LTBP4: variants seen among roughly 807,000 people sequenced by gnomAD.
LTBP4 encodes latent-transforming growth factor beta-binding protein 4.
LTBP4 carries 93 observed loss-of-function variants against 180.2 expected under a neutral mutation model. The observed-to-expected ratio is 0.52, with a 90% confidence interval of 0.44 to 0.61. LTBP4 has a LOEUF of 0.61. Among genes scored for constraint, LTBP4 ranks in the 20% least tolerant of loss-of-function variants. The pLI is 0.00. For synonymous variants in LTBP4, 947 were observed against 934.5 expected (o/e 1.01, Z -0.24); for missense variants, 2,116 against 2,256.5 (o/e 0.94, Z 1.26).
At chr19:40,614,491 G>C in intron 19 of LTBP4, 45 bp downstream of exon 19, 1 of 1,574,262 alleles carries the variant, frequency 6.4e-7, no homozygotes. Context: ...GCAACGCGGT[G>C]CTGGAGGCTG....
rs992200448 is a variant in LTBP4, at chr19:40,614,721, G to A, written c.2812+275G>A. Among the ~76,000 whole-genome samples, 8 of 151,858 alleles carry A rather than the reference G, an allele frequency of 5.3e-5. No homozygotes were observed. The South Asian group carries it at 1.7e-3, about 32-fold the overall frequency. ...TAGGCTATGCCCCCAGTAAGACACCGCCCCAAAACTGTTAGGCCCCGCCCC... is the reference window on the plus strand; with the variant it reads ...TAGGCTATGCCCCCAGTAAGACACCACCCCAAAACTGTTAGGCCCCGCCCC... On this transcript the variant is annotated intron_variant, in intron 19 of 29. Transcript: ENST00000396819.
intron 1 of LTBP4, among the ~76,000 whole-genome samples, chr19:40,602,183 G>GTGTGT (rs1568401445): frequency 9.8e-5 from 14 of 143,198 alleles, no homozygotes; most frequent in African/African-American, 2.6e-4. Context: ...GTGTGTGTGT[G>GTGTGT]GCGGCGGGGG....
intron 26 of LTBP4, 78 bp downstream of exon 26, chr19:40,624,160 C>A: frequency 7.0e-7 from 1 of 1,429,126 alleles, no homozygotes; most frequent in South Asian, 1.4e-5. Flanking sequence ...ACCTTTGCGA[C>A]GGCCACGCCC....
intron 19 of LTBP4, among the ~76,000 whole-genome samples, chr19:40,616,432 GA>G (rs575308908): frequency 7.7e-4 from 109 of 142,212 alleles, no homozygotes; most frequent in South Asian, 2.7e-3. Flanking sequence ...CTCTACTAAA[GA>G]AAAAAAAAAA....
chr19:40,613,953 C>A lies in LTBP4; in HGVS notation c.2595C>A (p.Ser865Arg). ...GCAGCGAGGAGGACCTTTGCCAGAG[C>A]GGCATCTGTACCAACACCGACGGCT... ...DECSEEDLCQ[S>R]GICTNTDGSF... Residue 865 changes from serine (S) to arginine (R), a missense_variant, in exon 18 of 30, where the codon AGC becomes AGA. Coordinates refer to ENST00000396819, the MANE Select transcript of LTBP4 (RefSeq NM_001042545.2). The surrounding 1 kb of genome is among the most constrained non-coding windows in gnomAD (Gnocchi z 5.0). 1.2e-6 allele frequency: 2 copies of A among 1,613,682 alleles called. No individual in the cohort carries two copies. The highest frequency in any genetic ancestry group is 1.7e-6 in the Non-Finnish European group (2 of 1,179,814).
chr19:40,629,575 C>A lies in LTBP4; in HGVS notation c.*25C>A. 7.4e-7 allele frequency: 1 copy of A among 1,353,768 alleles called. No homozygotes were observed. Among genetic ancestry groups the A allele is most frequent in the Non-Finnish European group, 9.5e-7 (1 of 1,055,866 alleles). The allele number at this position is 1,353,768 out of a possible 1,614,324, so 83.9% of individuals were successfully genotyped here. A position where few individuals can be genotyped will look rare whatever the true frequency, so the allele number is the denominator to read the frequency against. On this transcript the variant is annotated 3_prime_UTR_variant, in exon 30 of 30. Coordinates refer to ENST00000396819, the MANE Select transcript of LTBP4 (RefSeq NM_001042545.2). The surrounding 1 kb of genome is among the most constrained non-coding windows in gnomAD (Gnocchi z 4.5). Reference sequence around the variant, plus strand: ...AGCCCTGGCACCCGCTGGCCGCCCACCCGCGCCCGCCACTCGGGGCCCCTG... The same window carrying A: ...AGCCCTGGCACCCGCTGGCCGCCCAACCGCGCCCGCCACTCGGGGCCCCTG...
At chr19:40,626,858 G>T in intron 27 of LTBP4, 117 bp from the exon 28 acceptor site, 1 of 1,292,590 alleles carries the variant, frequency 7.7e-7, no homozygotes, top group African/African-American at 1.5e-5. Context: ...CAGAAACCCC[G>T]GGGCCACCCA....
rs762312952 is a variant in LTBP4, at chr19:40,613,851, G to T, written c.2558-65G>T. 1 of 1,606,678 alleles carries T rather than the reference G, an allele frequency of 6.2e-7. No homozygotes were observed. Among genetic ancestry groups the T allele is most frequent in the Non-Finnish European group, 8.5e-7 (1 of 1,177,212 alleles). ...TAGGAGAGCCGAGGGGCGGTGGAGGGGTGTGGCCTAGAATGTTAGGCGGAG... is the reference window on the plus strand; with the variant it reads ...TAGGAGAGCCGAGGGGCGGTGGAGGTGTGTGGCCTAGAATGTTAGGCGGAG... On this transcript the variant is annotated intron_variant, in intron 17 of 29. Transcript: ENST00000396819. This position sits in a 1 kb window ranked among gnomAD's most constrained non-coding sequence, Gnocchi z 5.0.
In LTBP4 at chr19:40,627,269, C is replaced by T. The variant is rs749554281; in HGVS notation, c.4280C>T (p.Pro1427Leu). The change falls in exon 28 of 30, where the codon CCG becomes CTG. Residue 1427 changes from proline to leucine, a missense_variant. By Grantham distance (98) the Pro-to-Leu change is moderately conservative. Transcript: ENST00000396819. ...GESEAPAPPG[P>L]GTRWPYRSRD... is the part of the protein sequence containing the mutation. ...TCTGAGGCTCCTGCGCCACCTGGCC[C>T]GGGCACCCGCTGGCCCTATCGGTCC... The T allele has an allele frequency of 2.2e-5, 35 of 1,559,786 alleles. No individual in the cohort carries two copies. Among genetic ancestry groups the T allele is most frequent in the African/African-American group, 2.7e-5 (2 of 73,852 alleles).
intron 11 of LTBP4, 38 bp from the exon 12 acceptor site, chr19:40,610,494 G>A (rs756123631): frequency 6.4e-7 from 1 of 1,566,502 alleles, no homozygotes; most frequent in African/African-American, 1.3e-5. Flanking sequence ...TCCCGGGGCT[G>A]TCTGCCCCAG....
At chr19:40,621,613 C>G (rs2081586852) in intron 22 of LTBP4, among the ~76,000 whole-genome samples, 1 of 151,706 alleles carries the variant, frequency 6.6e-6, no homozygotes, top group African/African-American at 2.4e-5. Flanking sequence ...GGGGCCTGGA[C>G]AGGAGAGAAC....
At position 40,609,535 on chromosome 19, in the gene LTBP4, T is replaced by G. The variant is rs780665242; in HGVS notation, c.1432T>G (p.Ser478Ala). The G allele has an allele frequency of 1.2e-6, 2 of 1,612,770 alleles. No homozygotes were observed. Among genetic ancestry groups the G allele is most frequent in the Non-Finnish European group, 1.7e-6 (2 of 1,179,570 alleles). The change falls in exon 10 of 30, where the codon TCC becomes GCC. Residue 478 changes from serine to alanine, a missense_variant. Ser to Ala is a moderately conservative substitution (Grantham distance 99). Coordinates refer to ENST00000396819, the MANE Select transcript of LTBP4 (RefSeq NM_001042545.2). This position sits in a 1 kb window ranked among gnomAD's most constrained non-coding sequence, Gnocchi z 4.9. ...TGGCTGACTGGACCCCCCAGGTCCCTCCTCCGGCATGTGTCAGCGCAACCC... is the reference window on the plus strand; with the variant it reads ...TGGCTGACTGGACCCCCCAGGTCCCGCCTCCGGCATGTGTCAGCGCAACCC... ...TGPEIPESGP[S>A]SGMCQRNPQV...
rs1394373741 is a variant in LTBP4, at chr19:40,627,026, C to T, written c.4037C>T (p.Pro1346Leu). 12 of 1,603,606 alleles carry T rather than the reference C, an allele frequency of 7.5e-6. No individual in the cohort carries two copies. The highest frequency in any genetic ancestry group is 2.2e-5 in the South Asian group (2 of 90,228). The change falls in exon 28 of 30, where the codon CCG becomes CTG. Residue 1346 changes from proline (P) to leucine (L), a missense_variant. Pro to Leu is a moderately conservative substitution (Grantham distance 98, BLOSUM62 -3). This residue lies in a region of LTBP4 where 488 missense variants were observed against 458.8 expected (regional missense o/e 1.06). Transcript: ENST00000396819. ...NVLRPPAYSPPRPGGFGLPYE... is the reference protein window; with the variant it reads ...NVLRPPAYSPLRPGGFGLPYE... ...CTACGCCCCCCCGCATATAGCCCCC[C>T]GCGACCAGGTGGCTTTGGACTCCCC...
chr19:40,599,898 T>C, upstream of LTBP4: 1 of 475,484 alleles, frequency 2.1e-6, no homozygotes. Context: ...TCTCTTTCTC[T>C]CAGGGTCTTT....
In LTBP4 at chr19:40,611,480, A is replaced by T; in HGVS notation, c.2053+86A>T. The T allele has an allele frequency of 2.0e-6, 3 of 1,517,380 alleles. No homozygotes were observed. Among genetic ancestry groups the T allele is most frequent in the South Asian group, 1.3e-5 (1 of 78,398 alleles). 94.0% of individuals were successfully genotyped at this position (1,517,380 alleles called of 1,614,324 possible). ...TATTGAGGGGCAGAGAGGCAGAGTG[A>T]TGGGGCTCAGGGATGGAGAACAGGG... On this transcript the variant is annotated intron_variant, in intron 13 of 29. Transcript: ENST00000396819. The surrounding 1 kb of genome is among the most constrained non-coding windows in gnomAD (Gnocchi z 4.4).
chr19:40,609,580 C>T lies in LTBP4; in HGVS notation c.1477C>T (p.Arg493Cys), dbSNP rs763356526. ...CAACCCCCAGGTCTGCGGCCCAGGA[C>T]GCTGCATTTCCCGGCCCAGCGGCTA... Reference protein sequence around the residue: ...QRNPQVCGPGRCISRPSGYTC... With the variant: ...QRNPQVCGPGCCISRPSGYTC... Residue 493 changes from arginine to cysteine, a missense_variant, in exon 10 of 30, where the codon CGC (arginine) becomes TGC (cysteine). Arg to Cys is a radical substitution (Grantham distance 180, BLOSUM62 -3). This residue lies in a region of LTBP4 where 877 missense variants were observed against 873.6 expected (regional missense o/e 1.00). Coordinates refer to ENST00000396819, the MANE Select transcript of LTBP4 (RefSeq NM_001042545.2). This position sits in a 1 kb window ranked among gnomAD's most constrained non-coding sequence, Gnocchi z 4.9. 1 of 1,613,544 alleles carries T rather than the reference C, an allele frequency of 6.2e-7. No individual in the cohort carries two copies. The highest frequency in any genetic ancestry group is 1.1e-5 in the South Asian group (1 of 91,088).
intron 19 of LTBP4, 41 bp from the exon 20 acceptor site, chr19:40,616,848 C>G: frequency 6.2e-7 from 1 of 1,609,802 alleles, no homozygotes; most frequent in Non-Finnish European, 8.5e-7. Context: ...CTTCTGAATT[C>G]AGGCCTTTGA....
Position 40,629,462 on chromosome 19 carries a change from C to T in LTBP4, c.4586C>T (p.Thr1529Met). ...TGCGTCAACGCGCGTTGCCTCAACA[C>T]GGATGGCTCCTTCCGCTGCATCTGC... ...PLCVNARCLN[T>M]DGSFRCICRP... is the part of the protein sequence containing the mutation. Residue 1529 changes from threonine to methionine, a missense_variant, in exon 30 of 30, where the codon ACG becomes ATG. Physicochemically the swap from Thr to Met is moderately conservative, Grantham distance 81. Coordinates refer to ENST00000396819, the MANE Select transcript of LTBP4 (RefSeq NM_001042545.2). The surrounding 1 kb of genome is among the most constrained non-coding windows in gnomAD (Gnocchi z 4.5). The T allele has an allele frequency of 1.2e-6, 2 of 1,610,988 alleles. No homozygotes were observed. The highest frequency in any genetic ancestry group is 1.1e-5 in the South Asian group (1 of 91,046).
chr19:40,610,969 C>G (rs2081501461), intron 12 of LTBP4, 183 bp from the exon 13 acceptor site: 1 of 872,764 alleles, frequency 1.1e-6, no homozygotes, highest in Non-Finnish European at 1.7e-6. Context: ...ATGGGGACTA[C>G]AGAGACAGAA....
Sources: gnomAD v4.1 joint callset for allele counts (sites outside exome capture counted in the v4.1 genomes callset) on GRCh38, gnomAD v4.1.1 for gene constraint, gnomAD v4.1.1 regional missense constraint, Gnocchi (gnomAD v3.1) non-coding constraint, MANE v1.5 for transcripts, NCBI Gene and HGNC (gene_info 2026-07-23, HGNC 2026-07-21) for gene names.